Variants in LIMS1 observed in about 807,000 individuals in gnomAD.
LIMS1 encodes the protein LIM zinc finger domain containing 1.
Under a neutral mutation model 44.1 loss-of-function variants are expected in LIMS1, and 18 were observed. That is an observed-to-expected ratio of 0.41 (90% CI 0.28 to 0.61). The LOEUF is 0.61. LIMS1 is among the 20% of genes least tolerant of loss of function. The pLI, the probability that LIMS1 is intolerant of heterozygous loss-of-function variation, is 0.32. For synonymous variants in LIMS1, 93 were observed against 149.1 expected, an observed-to-expected ratio of 0.62 and a Z score of 2.74; for missense variants, 201 against 422.0, an observed-to-expected ratio of 0.48 and a Z score of 4.59.
chr2:108,595,644 G>A (rs1686643716), intron 1 of LIMS1, among the ~76,000 whole-genome samples: 1 of 151,888 alleles, frequency 6.6e-6, no homozygotes, highest in Non-Finnish European at 1.5e-5. Context: ...TTGTTGTTCT[G>A]TAGTCAACTG....
chr2:108,573,163 A>G (rs573257910), intron 1 of LIMS1, among the ~76,000 whole-genome samples: 59 of 152,330 alleles, frequency 3.9e-4, no homozygotes, highest in African/African-American at 1.3e-3. Flanking sequence ...TAAAATTTCT[A>G]TGTCACATTG....
chr2:108,572,466 T>G (rs1685513657), intron 1 of LIMS1, among the ~76,000 whole-genome samples: 1 of 139,986 alleles, frequency 7.1e-6, no homozygotes, highest in Admixed American at 8.0e-5. Flanking sequence ...CACTGCAACC[T>G]CTGCCTCCCA....
chr2:108,640,891 AC>A (rs1438445368), intron 1 of LIMS1, among the ~76,000 whole-genome samples: 6 of 152,102 alleles, frequency 3.9e-5, no homozygotes, highest in Admixed American at 2.0e-4. Flanking sequence ...TATTCCTGTT[AC>A]TCAGCTGTAA....
chr2:108,592,391 C>A (rs919971522), intron 1 of LIMS1, among the ~76,000 whole-genome samples: 5 of 152,068 alleles, frequency 3.3e-5, no homozygotes, highest in Non-Finnish European at 5.9e-5. Flanking sequence ...GAAAAGGATA[C>A]TTTATCAGCC....
At chr2:108,552,052 A>G (rs7601412) in intron 1 of LIMS1, among the ~76,000 whole-genome samples, 121,001 of 144,662 alleles carry the variant, frequency 0.84, 50,917 homozygotes, top group East Asian at 1. Flanking sequence ...GAGGTCTCTA[A>G]TGTGTGTATA....
At chr2:108,599,303 G>A (rs1686877083) in intron 1 of LIMS1, among the ~76,000 whole-genome samples, 1 of 152,062 alleles carries the variant, frequency 6.6e-6, no homozygotes, top group African/African-American at 2.4e-5. Flanking sequence ...TTGTCTTTCT[G>A]TGCCTGGCTT....
At chr2:108,605,318 A>T (rs1014019874) in intron 1 of LIMS1, among the ~76,000 whole-genome samples, 9 of 152,102 alleles carry the variant, frequency 5.9e-5, no homozygotes, top group Non-Finnish European at 1.3e-4. Context: ...GTGTTGTTAT[A>T]AGCTCGGTTC....
chr2:108,564,419 G>C (rs1394301891), intron 1 of LIMS1, among the ~76,000 whole-genome samples: 1 of 152,176 alleles, frequency 6.6e-6, no homozygotes, highest in African/African-American at 2.4e-5. Context: ...GTGGTGGTCT[G>C]AAACTGAACC....
chr2:108,564,041 CAA>C lies in LIMS1; in HGVS notation c.32+29467_32+29468del, dbSNP rs201454363. Among the ~76,000 whole-genome samples, 124 of 92,352 alleles carry C rather than the reference CAA, an allele frequency of 1.3e-3. 1 individual carries two copies. The highest frequency in any genetic ancestry group is 5.7e-3 in the Middle Eastern group (1 of 174). 60.6% of individuals were successfully genotyped at this position (92,352 alleles called of 152,430 possible). A position where few individuals can be genotyped will look rare whatever the true frequency, so the allele number is the denominator to read the frequency against. ...TGGGTGACAGGCCAAGACCCTGTCT[CAA>C]AAAAAAAAAAAAAAAAAAAGGAAAA... On this transcript the variant is annotated intron_variant, in intron 1 of 9. Transcript: ENST00000544547.
In LIMS1 at chr2:108,547,772, C is replaced by T. The variant is rs779646980; in HGVS notation, c.32+13178C>T. On this transcript the variant is annotated intron_variant, in intron 1 of 9. Transcript: ENST00000544547. Reference sequence around the variant, plus strand: ...TACCAGCATTTAAGGTCATTGCCTACATTAGAATATATCGGTTCCCTTGGG... The same window carrying T: ...TACCAGCATTTAAGGTCATTGCCTATATTAGAATATATCGGTTCCCTTGGG... Among the ~76,000 whole-genome samples the T allele has an allele frequency of 5.4e-4, 83 of 152,322 alleles. 1 individual carries two copies. The highest frequency in any genetic ancestry group is 4.6e-4 in the Non-Finnish European group (31 of 68,042).
chr2:108,537,037 GA>G (rs369241979), intron 1 of LIMS1, among the ~76,000 whole-genome samples: 10 of 152,306 alleles, frequency 6.6e-5, no homozygotes, highest in African/African-American at 2.4e-4. Flanking sequence ...CTTAAAAAGT[GA>G]AATTGACATT....
chr2:108,679,791 T>C (rs1406415903), intron 8 of LIMS1, among the ~76,000 whole-genome samples: 4 of 152,056 alleles, frequency 2.6e-5, no homozygotes, highest in Non-Finnish European at 5.9e-5. Context: ...AGCACACACC[T>C]ATGGTCCCAG....
chr2:108,562,411 G>A (rs1685154522), intron 1 of LIMS1, among the ~76,000 whole-genome samples: 1 of 152,144 alleles, frequency 6.6e-6, no homozygotes. Context: ...GGAATACAAA[G>A]GAAAAGTTCT....
At chr2:108,572,672 C>T (rs921241685) in intron 1 of LIMS1, among the ~76,000 whole-genome samples, 4 of 152,202 alleles carry the variant, frequency 2.6e-5, no homozygotes, top group Non-Finnish European at 5.9e-5. Flanking sequence ...GCATGAGCCA[C>T]TACGCCCGGC....
At chr2:108,627,944 A>G (rs936694882) in intron 1 of LIMS1, among the ~76,000 whole-genome samples, 1 of 152,204 alleles carries the variant, frequency 6.6e-6, no homozygotes, top group Non-Finnish European at 1.5e-5. Context: ...GTGTAGCTTC[A>G]AACTACAGAA....
chr2:108,574,022 G>C (rs1204606925), intron 1 of LIMS1, among the ~76,000 whole-genome samples: 1 of 151,692 alleles, frequency 6.6e-6, no homozygotes, highest in Non-Finnish European at 1.5e-5. Flanking sequence ...TGGTTTAAAA[G>C]ATGCCTGAAT....
intron 1 of LIMS1, among the ~76,000 whole-genome samples, chr2:108,641,493 G>A (rs963113846): frequency 1.3e-5 from 2 of 152,132 alleles, no homozygotes; most frequent in African/African-American, 4.8e-5. Context: ...CATAGGGAGA[G>A]AATTTGTTTT....
intron 1 of LIMS1, among the ~76,000 whole-genome samples, chr2:108,612,370 T>C (rs1401512879): frequency 6.6e-6 from 1 of 152,086 alleles, no homozygotes; most frequent in Non-Finnish European, 1.5e-5. Flanking sequence ...CACGCTCTCC[T>C]GAAGTTTGCT....
Position 108,656,789 on chromosome 2 carries a change from A to G in LIMS1, c.33-2816A>G, listed in dbSNP as rs1319759908. Among the ~76,000 whole-genome samples the G allele has an allele frequency of 3.1e-5, 4 of 127,910 alleles. No homozygotes were observed. In the East Asian group the frequency reaches 8.4e-4, roughly 27 times the overall value. The allele number at this position is 127,910 out of a possible 152,430, so 83.9% of individuals were successfully genotyped here. Reference sequence around the variant, plus strand: ...TGAGTATTTGAACTTAAGTAGAAACAATCTATATTATAATGAGTTTAAACT... The same window carrying G: ...TGAGTATTTGAACTTAAGTAGAAACGATCTATATTATAATGAGTTTAAACT... On this transcript the variant is annotated intron_variant, in intron 1 of 9. Coordinates refer to ENST00000544547, the Ensembl canonical transcript of LIMS1.
Sources: allele counts gnomAD v4.1 joint callset (sites outside exome capture counted in the v4.1 genomes callset), GRCh38; gene constraint gnomAD v4.1.1; transcripts MANE v1.5; gene names NCBI Gene and HGNC (gene_info 2026-07-23, HGNC 2026-07-21).